Variants in GRM5 observed in about 807,000 individuals in gnomAD.
The protein encoded by GRM5 is glutamate metabotropic receptor 5.
In GRM5, 19 loss-of-function variants were observed where a neutral mutation model predicts 83.1. That is an observed-to-expected ratio of 0.23 (90% CI 0.16 to 0.34). GRM5 has a LOEUF of 0.34. Ranked by LOEUF, GRM5 falls within the 10% of genes least tolerant of loss-of-function variation. The pLI, the probability that GRM5 is intolerant of heterozygous loss-of-function variation, is 1.00. For missense variants in GRM5, 1,160 were observed against 1,588.3 expected (o/e 0.73, Z 4.58); for synonymous variants, 675 against 633.6 (o/e 1.07, Z -0.98).
At chr11:88,554,220 T>C (rs1404051865) in intron 8 of GRM5, among the ~76,000 whole-genome samples, 3 of 151,750 alleles carry the variant, frequency 2.0e-5, no homozygotes, top group African/African-American at 7.2e-5. Flanking sequence ...TTGGCTTCTA[T>C]ACCCTTCCTC....
chr11:88,953,928 G>A (rs1938536058), intron 2 of GRM5, among the ~76,000 whole-genome samples: 1 of 152,140 alleles, frequency 6.6e-6, no homozygotes, highest in African/African-American at 2.4e-5. Context: ...TCTGACCATT[G>A]CATGGAGAAT....
chr11:88,977,188 T>TTTTTA (rs1266553393), intron 2 of GRM5, among the ~76,000 whole-genome samples: 1 of 150,168 alleles, frequency 6.7e-6, no homozygotes, highest in Non-Finnish European at 1.5e-5. Context: ...TTTGTTTCTA[T>TTTTTA]TTTTATTTTA....
chr11:88,675,885 G>C (rs1021916921), intron 3 of GRM5, among the ~76,000 whole-genome samples: 4 of 151,982 alleles, frequency 2.6e-5, no homozygotes. Flanking sequence ...ACACAGGATT[G>C]AATATGGAAG....
At chr11:88,622,452 A>T (rs1284571043) in intron 4 of GRM5, among the ~76,000 whole-genome samples, 3 of 152,244 alleles carry the variant, frequency 2.0e-5, no homozygotes, top group African/African-American at 7.2e-5. Flanking sequence ...GAAGTAACAA[A>T]GATAAGAAAC....
chr11:88,773,011 T>C (rs1343684259), intron 3 of GRM5, among the ~76,000 whole-genome samples: 1 of 152,198 alleles, frequency 6.6e-6, no homozygotes, highest in Non-Finnish European at 1.5e-5. Flanking sequence ...TCTAGATCCT[T>C]GAGGAATCAC....
intron 4 of GRM5, among the ~76,000 whole-genome samples, chr11:88,624,417 G>GA (rs1938729438): frequency 6.6e-6 from 1 of 152,158 alleles, no homozygotes; most frequent in Non-Finnish European, 1.5e-5. Context: ...GAGGATAAGA[G>GA]AAAACCCGGG....
intron 4 of GRM5, among the ~76,000 whole-genome samples, chr11:88,607,891 A>G (rs1816265222): frequency 6.6e-6 from 1 of 152,196 alleles, no homozygotes; most frequent in African/African-American, 2.4e-5. Flanking sequence ...TCTCAACAGT[A>G]ACTGTATGAT....
intron 2 of GRM5, among the ~76,000 whole-genome samples, chr11:88,991,664 A>C (rs11499697): frequency 6.7e-6 from 1 of 148,740 alleles, no homozygotes; most frequent in South Asian, 2.2e-4. Context: ...CCAAAACAGA[A>C]ATATAGATCA....
In GRM5 at chr11:88,548,825, C is replaced by A. The variant is rs116289714; in HGVS notation, c.2630+18228G>T. ...GTGTTGATTCACATTAAGGGAGGAGCTAAGACTTCACCAGAGACTAGAGAA... is the reference window on the plus strand; with the variant it reads ...GTGTTGATTCACATTAAGGGAGGAGATAAGACTTCACCAGAGACTAGAGAA... On this transcript the variant is annotated intron_variant, in intron 8 of 9. Transcript: ENST00000305447. 1.5e-3 allele frequency among the ~76,000 whole-genome samples: 234 copies of A among 152,272 alleles called. 4 individuals are homozygous for A. The highest frequency in any genetic ancestry group is 5.4e-3 in the African/African-American group (224 of 41,552).
At chr11:88,948,355 A>C (rs1196739838) in intron 2 of GRM5, among the ~76,000 whole-genome samples, 1 of 152,196 alleles carries the variant, frequency 6.6e-6, no homozygotes, top group East Asian at 1.9e-4. Context: ...GTGGTTCACA[A>C]AAGACAGGTG....
At chr11:88,521,223 C>T (rs561397913) in intron 9 of GRM5, among the ~76,000 whole-genome samples, 1 of 152,062 alleles carries the variant, frequency 6.6e-6, no homozygotes, top group African/African-American at 2.4e-5. Context: ...CGAGACTAGC[C>T]TGGCCAACAT....
chr11:88,661,987 A>G (rs184507415), intron 3 of GRM5, among the ~76,000 whole-genome samples: 25 of 152,304 alleles, frequency 1.6e-4, no homozygotes, highest in Admixed American at 1.4e-3. Flanking sequence ...ATAAATCTCA[A>G]TATTTCTCAT....
At chr11:89,049,773 G>T (rs376198851) in intron 1 of GRM5, among the ~76,000 whole-genome samples, 6 of 152,228 alleles carry the variant, frequency 3.9e-5, no homozygotes, top group African/African-American at 1.4e-4. Flanking sequence ...AATAGTTTTG[G>T]TACAAAAGTT....
intron 2 of GRM5, among the ~76,000 whole-genome samples, chr11:89,020,703 T>C (rs1940962909): frequency 6.6e-6 from 1 of 152,212 alleles, no homozygotes; most frequent in African/African-American, 2.4e-5. Context: ...AATGATCCAT[T>C]ATCCCTGTGA....
Position 88,508,820 on chromosome 11 carries a change from C to G in GRM5, c.3411G>C (p.Gly1137=), listed in dbSNP as rs1179131511. 1 of 1,531,118 alleles carries G rather than the reference C, an allele frequency of 6.5e-7. No individual in the cohort carries two copies. Among genetic ancestry groups the G allele is most frequent in the Middle Eastern group, 1.7e-4 (1 of 5,904 alleles). 94.8% of individuals were successfully genotyped at this position (1,531,118 alleles called of 1,614,324 possible). Residue 1137 remains glycine, a synonymous_variant, in exon 10 of 10, where the codon GGG becomes GGC. Transcript: ENST00000305447. This position sits in a 1 kb window ranked among gnomAD's most constrained non-coding sequence, Gnocchi z 4.2. ...AQPAAGAQAA[G]DAARESPAAG... ...CCGCGGGGCTCTCCCGGGCCGCGTC[C>G]CCAGCCGCCTGCGCCCCTGCCGCGG...
At chr11:89,045,309 T>C (rs1227080008) in intron 2 of GRM5, among the ~76,000 whole-genome samples, 2 of 152,172 alleles carry the variant, frequency 1.3e-5, no homozygotes, top group Non-Finnish European at 2.9e-5. Context: ...AAATTATGCA[T>C]AAAATATTCC....
At chr11:89,012,571 C>G (rs10765183) in intron 2 of GRM5, among the ~76,000 whole-genome samples, 88,975 of 152,004 alleles carry the variant, frequency 0.59, 26,108 homozygotes, top group South Asian at 0.71. Flanking sequence ...ACATTATTCT[C>G]TCTTTAGGAT....
intron 3 of GRM5, among the ~76,000 whole-genome samples, chr11:88,740,970 G>T (rs1942016228): frequency 6.6e-6 from 1 of 151,906 alleles, no homozygotes; most frequent in Non-Finnish European, 1.5e-5. Context: ...TCTGTTGGTG[G>T]TATCTTCCTG....
intron 3 of GRM5, among the ~76,000 whole-genome samples, chr11:88,768,616 C>G (rs1942668503): frequency 2.1e-5 from 2 of 96,690 alleles, no homozygotes; most frequent in Admixed American, 2.1e-4. Flanking sequence ...GTATGAACCA[C>G]CTATAAAAAT....
Sources: gnomAD v4.1 joint callset for allele counts (sites outside exome capture counted in the v4.1 genomes callset) on GRCh38, gnomAD v4.1.1 for gene constraint, Gnocchi (gnomAD v3.1) non-coding constraint, MANE v1.5 for transcripts, NCBI Gene and HGNC (gene_info 2026-07-23, HGNC 2026-07-21) for gene names.